FUT9: variants seen among roughly 807,000 people sequenced by gnomAD.
FUT9 encodes 4-galactosyl-N-acetylglucosaminide 3-alpha-L-fucosyltransferase 9.
FUT9 carries 15 observed loss-of-function variants against 29.7 expected under a neutral mutation model. The observed-to-expected ratio is 0.51, with a 90% CI of 0.34 to 0.78. The LOEUF is 0.78. Among genes scored for constraint, FUT9 ranks in the 30% least tolerant of loss-of-function variants. FUT9 has a pLI of 0.01. For missense variants in FUT9, 319 were observed against 425.4 expected (o/e 0.75, Z 2.20); for synonymous variants, 169 against 153.7 (o/e 1.10, Z -0.74).
chr6:96,031,675 T>A (rs537720270), intron 1 of FUT9, among the ~76,000 whole-genome samples: 1 of 151,678 alleles, frequency 6.6e-6, no homozygotes, highest in South Asian at 2.1e-4. Context: ...CTCCATCTAC[T>A]AGTCATCAAA....
intron 2 of FUT9, among the ~76,000 whole-genome samples, chr6:96,132,591 T>C (rs1050248086): frequency 6.6e-6 from 1 of 152,088 alleles, no homozygotes; most frequent in African/African-American, 2.4e-5. Flanking sequence ...GCGACAATTT[T>C]GGGGGACTTG....
intron 2 of FUT9, among the ~76,000 whole-genome samples, chr6:96,182,158 G>A (rs1335641381): frequency 6.6e-6 from 1 of 152,060 alleles, no homozygotes; most frequent in Admixed American, 6.6e-5. Flanking sequence ...GTTTTGATTT[G>A]CATTTCCTTG....
chr6:96,203,363 G>C lies in FUT9; in HGVS notation c.208G>C (p.Val70Leu), dbSNP rs779283905. The C allele has an allele frequency of 5.0e-6, 8 of 1,613,246 alleles. No individual in the cohort carries two copies. Among genetic ancestry groups the C allele is most frequent in the Non-Finnish European group, 5.9e-6 (7 of 1,179,530 alleles). ...YFNETTILVW[V>L]WPFGQTFDLT... ...TAATGAAACTACTATTCTGGTGTGG[G>C]TGTGGCCATTTGGGCAGACCTTTGA... The change falls in exon 3 of 3, where the codon GTG (valine) becomes CTG (leucine). Residue 70 changes from valine to leucine, a missense_variant. By Grantham distance (32) the Val-to-Leu change is conservative. Transcript: ENST00000302103.
chr6:96,016,638 G>C (rs765012435), intron 1 of FUT9, among the ~76,000 whole-genome samples: 1 of 152,110 alleles, frequency 6.6e-6, no homozygotes, highest in African/African-American at 2.4e-5. Flanking sequence ...AGTCCTCCCT[G>C]ACCCACCTTC....
chr6:96,043,439 C>T (rs568179317), intron 1 of FUT9, among the ~76,000 whole-genome samples: 1 of 152,168 alleles, frequency 6.6e-6, no homozygotes, highest in African/African-American at 2.4e-5. Flanking sequence ...CAATAGATGG[C>T]AGTCATACTT....
intron 1 of FUT9, among the ~76,000 whole-genome samples, chr6:96,034,534 A>C (rs912111632): frequency 2.0e-5 from 3 of 151,860 alleles, no homozygotes; most frequent in South Asian, 4.1e-4. Context: ...TTTATTTAAC[A>C]ATTTCTATTG....
intron 2 of FUT9, among the ~76,000 whole-genome samples, chr6:96,122,484 T>C (rs930246128): frequency 6.6e-6 from 1 of 152,222 alleles, no homozygotes; most frequent in South Asian, 2.1e-4. Context: ...CAGAATTATT[T>C]GCCTATGTTT....
At chr6:96,153,604 A>T (rs2127977501) in intron 2 of FUT9, among the ~76,000 whole-genome samples, 1 of 152,322 alleles carries the variant, frequency 6.6e-6, no homozygotes, top group Middle Eastern at 3.4e-3. Context: ...ATCTGAATCA[A>T]GATAATGACC....
intron 1 of FUT9, among the ~76,000 whole-genome samples, chr6:96,105,206 T>C (rs2127958309): frequency 6.6e-6 from 1 of 152,372 alleles, no homozygotes; most frequent in East Asian, 1.9e-4. Context: ...TACTGCTTTG[T>C]GGTAAATTGC....
rs151067518 is a variant in FUT9, at chr6:96,024,784, T to C, written c.-98+8572T>C. Among the ~76,000 whole-genome samples the C allele has an allele frequency of 3.3e-3, 508 of 151,896 alleles. 4 individuals carry two copies. The highest frequency in any genetic ancestry group is 0.012 in the African/African-American group (494 of 41,488). On this transcript the variant is annotated intron_variant, in intron 1 of 2. Transcript: ENST00000302103. ...TTGGGTCTCTTTCTCAATTTTCTAG[T>C]GGGTCAATTTTATCAGAATTCTAGA...
intron 2 of FUT9, among the ~76,000 whole-genome samples, chr6:96,198,564 G>A (rs1773671123): frequency 6.6e-6 from 1 of 152,080 alleles, no homozygotes; most frequent in Non-Finnish European, 1.5e-5. Context: ...TGCGAATAAT[G>A]CCGCAATAAA....
At chr6:96,019,600 T>C (rs1240654043) in intron 1 of FUT9, among the ~76,000 whole-genome samples, 2 of 152,076 alleles carry the variant, frequency 1.3e-5, no homozygotes, top group African/African-American at 4.8e-5. Flanking sequence ...GCATGATGAT[T>C]CAACCAAAGT....
chr6:96,038,740 A>G (rs1770405259), intron 1 of FUT9, among the ~76,000 whole-genome samples: 1 of 152,134 alleles, frequency 6.6e-6, no homozygotes, highest in Admixed American at 6.6e-5. Context: ...AATGGCTTTG[A>G]ACACTTTCTT....
At chr6:96,051,439 C>G (rs908198500) in intron 1 of FUT9, among the ~76,000 whole-genome samples, 4 of 151,800 alleles carry the variant, frequency 2.6e-5, no homozygotes, top group African/African-American at 9.7e-5. Context: ...TTGCTTGAAG[C>G]CAAGAGTTCA....
intron 1 of FUT9, among the ~76,000 whole-genome samples, chr6:96,033,461 A>G (rs1351021136): frequency 6.6e-6 from 1 of 151,634 alleles, no homozygotes; most frequent in African/African-American, 2.4e-5. Context: ...AAAATTACTT[A>G]TAAAGGGAAA....
intron 2 of FUT9, among the ~76,000 whole-genome samples, chr6:96,159,513 A>T (rs1336591040): frequency 6.6e-6 from 1 of 152,164 alleles, no homozygotes; most frequent in Non-Finnish European, 1.5e-5. Flanking sequence ...AAAATGATTT[A>T]AAAATGTGTA....
chr6:96,197,300 G>T (rs1327028375), intron 2 of FUT9, among the ~76,000 whole-genome samples: 1 of 152,122 alleles, frequency 6.6e-6, no homozygotes, highest in African/African-American at 2.4e-5. Context: ...GGTGTCATTT[G>T]GTGGCAACTT....
intron 1 of FUT9, among the ~76,000 whole-genome samples, chr6:96,061,128 T>C (rs1414541124): frequency 6.6e-6 from 1 of 151,348 alleles, no homozygotes; most frequent in Non-Finnish European, 1.5e-5. Flanking sequence ...AGAGAACTTA[T>C]AGTTTATTTC....
In FUT9 at chr6:96,142,123, A is replaced by G. The variant is rs116013129; in HGVS notation, c.-9+27996A>G. Among the ~76,000 whole-genome samples, 1,185 of 152,292 alleles carry G rather than the reference A, an allele frequency of 7.8e-3. 23 individuals carry two copies. The highest frequency in any genetic ancestry group is 0.027 in the African/African-American group (1,130 of 41,550). On this transcript the variant is annotated intron_variant, in intron 2 of 2. Coordinates refer to ENST00000302103, the MANE Select transcript of FUT9 (RefSeq NM_006581.4). The stretch of plus-strand genomic sequence containing the variant: ...CTGTACAATTCTTTTAAAACCTAAT[A>G]ATTTCAGAGGTTGAACAGGGTATAG...
Sources: allele counts gnomAD v4.1 joint callset (sites outside exome capture counted in the v4.1 genomes callset), GRCh38; gene constraint gnomAD v4.1.1; transcripts MANE v1.5; gene names NCBI Gene and HGNC (gene_info 2026-07-23, HGNC 2026-07-21).